Variants in PCDH11Y observed in about 807,000 individuals in gnomAD.
PCDH11Y encodes the protein protocadherin 11 Y-linked, also known as protocadherin-11 Y-linked.
For missense variants in PCDH11Y, 12 were observed against 224.8 expected (o/e 0.05, Z 6.05); for synonymous variants, 9 against 83.6 (o/e 0.11, Z 4.87).
chrY:5,162,722 G>T (rs2562965), intron 2 of PCDH11Y, among the ~76,000 whole-genome samples: 34 of 33,051 alleles, frequency 1.0e-3, no homozygotes, highest in African/African-American at 4.0e-3. Context: ...GCACAGGATG[G>T]AATTCATGTT....
At position 5,456,290 on chromosome Y, in the gene PCDH11Y, T is replaced by C. The variant is rs1602928342; in HGVS notation, c.3130-44767T>C. Among the ~76,000 whole-genome samples, 6 of 33,539 alleles carry C rather than the reference T, an allele frequency of 1.8e-4. No homozygotes were observed. In the East Asian group the frequency reaches 4.8e-3, roughly 27 times the overall value. The allele number at this position is 33,539 out of a possible 37,273, so 90.0% of individuals were successfully genotyped here. On this transcript the variant is annotated intron_variant, in intron 2 of 4. Transcript: ENST00000400457. ...ATCTCACAAGAGTCAGTATAGCTTT[T>C]ATTAAAAAGTTAAAAAATAATGGTT...
chrY:5,028,197 G>A, intron 1 of PCDH11Y, among the ~76,000 whole-genome samples: 1 of 33,290 alleles, frequency 3.0e-5, no homozygotes, highest in Non-Finnish European at 7.4e-5. Context: ...ATTGACAGGG[G>A]CTAGTGTCGA....
At chrY:5,230,225 A>T in intron 2 of PCDH11Y, among the ~76,000 whole-genome samples, 3 of 32,999 alleles carry the variant, frequency 9.1e-5, no homozygotes, top group Admixed American at 2.8e-4. Context: ...TGTACTTACT[A>T]TTATCATTAG....
intron 2 of PCDH11Y, among the ~76,000 whole-genome samples, chrY:5,461,111 T>C: frequency 3.0e-5 from 1 of 33,439 alleles, no homozygotes; most frequent in Non-Finnish European, 7.5e-5. Flanking sequence ...ATTAAATCAC[T>C]TGTGAGTCAT....
At chrY:5,271,439 TA>T (rs2053036229) in intron 2 of PCDH11Y, among the ~76,000 whole-genome samples, 1 of 32,250 alleles carries the variant, frequency 3.1e-5, no homozygotes, top group Non-Finnish European at 7.8e-5. Flanking sequence ...TTCTCAAATA[TA>T]GTTGTCTCCA....
chrY:5,069,621 G>GC, intron 1 of PCDH11Y, among the ~76,000 whole-genome samples: 1 of 26,979 alleles, frequency 3.7e-5, no homozygotes, highest in African/African-American at 1.4e-4. Flanking sequence ...TTTTTTTTTT[G>GC]TTTTTTTTTT....
intron 4 of PCDH11Y, among the ~76,000 whole-genome samples, chrY:5,720,568 AT>A (rs2053593893): frequency 3.2e-5 from 1 of 31,588 alleles, no homozygotes; most frequent in South Asian, 7.3e-4. Context: ...AAAAAAAAAA[AT>A]ATTAAACATA....
intron 3 of PCDH11Y, among the ~76,000 whole-genome samples, chrY:5,555,336 C>A: frequency 6.3e-5 from 2 of 31,954 alleles, no homozygotes; most frequent in Non-Finnish European, 7.6e-5. Flanking sequence ...AAGGGACTTG[C>A]GTTTTCATGG....
chrY:5,306,471 T>A, intron 2 of PCDH11Y, among the ~76,000 whole-genome samples: 1 of 33,510 alleles, frequency 3.0e-5, no homozygotes, highest in South Asian at 6.7e-4. Context: ...TATGTTGTTT[T>A]ATAAATACTG....
chrY:5,314,982 T>A, intron 2 of PCDH11Y, among the ~76,000 whole-genome samples: 1 of 31,934 alleles, frequency 3.1e-5, no homozygotes, highest in Non-Finnish European at 7.6e-5. Context: ...AGTTGATTGT[T>A]TAAATTTATA....
At chrY:5,238,278 A>G (rs2052980468) in intron 2 of PCDH11Y, among the ~76,000 whole-genome samples, 1 of 33,190 alleles carries the variant, frequency 3.0e-5, no homozygotes, top group South Asian at 6.7e-4. Context: ...ACACATCTAC[A>G]ACCATCTGAT....
exon 5 of PCDH11Y, chrY:5,738,272 A>C: frequency 1.1e-5 from 1 of 89,144 alleles, no homozygotes; most frequent in Non-Finnish European, 2.3e-5. Flanking sequence ...ATTTGTTTCC[A>C]TGCTGATTGT....
downstream of PCDH11Y, chrY:5,105,067 C>G: frequency 8.7e-6 from 1 of 115,447 alleles, no homozygotes; most frequent in African/African-American, 1.1e-4. Flanking sequence ...ATGGTGAAAC[C>G]CCATCTCCAC....
chrY:5,646,752 A>C, intron 4 of PCDH11Y, among the ~76,000 whole-genome samples: 1 of 32,710 alleles, frequency 3.1e-5, no homozygotes, highest in African/African-American at 1.2e-4. Context: ...TGGTATTATT[A>C]ACATATCTTT....
chrY:5,727,876 G>C, intron 4 of PCDH11Y, among the ~76,000 whole-genome samples: 1 of 32,371 alleles, frequency 3.1e-5, no homozygotes, highest in South Asian at 7.0e-4. Context: ...TTTTCATATA[G>C]AGAACACTTT....
intron 2 of PCDH11Y, among the ~76,000 whole-genome samples, chrY:5,305,038 T>A: frequency 3.0e-5 from 1 of 33,027 alleles, no homozygotes; most frequent in African/African-American, 1.2e-4. Context: ...ATGAGAACAA[T>A]ACCTTAGCTA....
At chrY:5,340,390 T>C in intron 2 of PCDH11Y, among the ~76,000 whole-genome samples, 12 of 29,555 alleles carry the variant, frequency 4.1e-4, no homozygotes, top group Non-Finnish European at 8.9e-4. Context: ...ACTCGAATGT[T>C]AATCTCCTCT....
At chrY:5,003,733 T>A in intron 1 of PCDH11Y, among the ~76,000 whole-genome samples, 1 of 33,724 alleles carries the variant, frequency 3.0e-5, no homozygotes, top group Non-Finnish European at 7.4e-5. Context: ...CTTGCTCTTA[T>A]AGTCCTAAGG....
At chrY:5,337,710 G>A in intron 2 of PCDH11Y, 1 of 338,811 alleles carries the variant, frequency 3.0e-6, no homozygotes, top group Admixed American at 1.1e-4. Context: ...CCCCGAGATT[G>A]AGCCCTGGCT....
Sources: gnomAD v4.1 joint callset for allele counts (sites outside exome capture counted in the v4.1 genomes callset) on GRCh38, gnomAD v4.1.1 for gene constraint, MANE v1.5 for transcripts, NCBI Gene and HGNC (gene_info 2026-07-23, HGNC 2026-07-21) for gene names.